Variants in OSBPL8 observed in about 807,000 individuals in gnomAD.
OSBPL8 encodes oxysterol-binding protein-related protein 8.
A neutral mutation model predicts 125.5 loss-of-function variants in OSBPL8; 59 were observed. That is an observed-to-expected ratio of 0.47 (90% confidence interval 0.38 to 0.58). The LOEUF (loss-of-function observed/expected upper bound fraction) is 0.58. OSBPL8 is among the 20% of genes least tolerant of loss of function. The pLI is 0.00. For synonymous variants in OSBPL8, 330 were observed against 338.9 expected (o/e 0.97, Z 0.29); for missense variants, 758 against 1,047.8 (o/e 0.72, Z 3.82).
At chr12:76,513,173 T>C (rs745786016) in intron 1 of OSBPL8, among the ~76,000 whole-genome samples, 1 of 152,246 alleles carries the variant, frequency 6.6e-6, no homozygotes, top group African/African-American at 2.4e-5. Flanking sequence ...TTTGGTATGA[T>C]TTTGGTTCGT....
At chr12:76,429,094 T>C (rs760623428) in intron 4 of OSBPL8, among the ~76,000 whole-genome samples, 3 of 152,048 alleles carry the variant, frequency 2.0e-5, no homozygotes, top group Non-Finnish European at 4.4e-5. Flanking sequence ...TCAGAAAACA[T>C]TGCTGTAGAT....
At chr12:76,389,233 C>T (rs992343589) in intron 12 of OSBPL8, among the ~76,000 whole-genome samples, 1 of 152,160 alleles carries the variant, frequency 6.6e-6, no homozygotes, top group African/African-American at 2.4e-5. Flanking sequence ...GTAAGCCGTA[C>T]ATACCTCACA....
intron 1 of OSBPL8, among the ~76,000 whole-genome samples, chr12:76,542,925 T>C (rs1950686115): frequency 6.6e-6 from 1 of 152,244 alleles, no homozygotes; most frequent in South Asian, 2.1e-4. Context: ...CCAAGTTCCT[T>C]GATCTTCCAA....
intron 4 of OSBPL8, among the ~76,000 whole-genome samples, chr12:76,411,807 C>T (rs1186712298): frequency 1.3e-5 from 2 of 152,100 alleles, no homozygotes; most frequent in Non-Finnish European, 2.9e-5. Context: ...ATCCTCCCCA[C>T]TCCTATAATG....
rs112972540 is a variant in OSBPL8, at chr12:76,421,201, C to T, written c.218-10567G>A. 5.9e-3 allele frequency among the ~76,000 whole-genome samples: 899 copies of T among 151,984 alleles called. 4 individuals carry two copies. Among genetic ancestry groups the T allele is most frequent in the African/African-American group, 0.019 (801 of 41,502 alleles). On this transcript the variant is annotated intron_variant, in intron 4 of 23. Coordinates refer to ENST00000261183, the MANE Select transcript of OSBPL8 (RefSeq NM_020841.5). ...GCAAACAAAGAGACAGAAACAAATA[C>T]AGAAATGAAACTCATTTTAAAATAA...
chr12:76,524,749 T>A (rs1363393851), intron 1 of OSBPL8, among the ~76,000 whole-genome samples: 1 of 150,308 alleles, frequency 6.7e-6, no homozygotes, highest in Non-Finnish European at 1.5e-5. Context: ...AGTGGCACAA[T>A]CCTGGCTCAC....
intron 21 of OSBPL8, among the ~76,000 whole-genome samples, chr12:76,366,114 A>G (rs1952404798): frequency 6.6e-6 from 1 of 152,150 alleles, no homozygotes; most frequent in Non-Finnish European, 1.5e-5. Flanking sequence ...TAAGTTAGGA[A>G]ATGTTCCCAT....
chr12:76,356,162 T>TGGGGGGGGGGGGGGG, intron 23 of OSBPL8, 141 bp from the exon 24 acceptor site: 1 of 131,274 alleles, frequency 7.6e-6, no homozygotes, highest in East Asian at 2.1e-4. Context: ...TATGTAGGGG[T>TGGGGGGGGGGGGGGG]GGGGGGGGGC....
chr12:76,373,475 T>C, intron 17 of OSBPL8, 42 bp from the exon 18 acceptor site: 10 of 1,419,514 alleles, frequency 7.0e-6, no homozygotes, highest in Non-Finnish European at 9.8e-6. Flanking sequence ...TTTTCACTTA[T>C]ATTTACATAT....
At position 76,541,291 on chromosome 12, in the gene OSBPL8, C is replaced by T. The variant is rs140018166; in HGVS notation, c.-68+18106G>A. Reference sequence around the variant, plus strand: ...GCCAGCAGTTTGAGACCAGCCTGGCCAATACTGTGAACCCCATCTCCACTA... The same window carrying T: ...GCCAGCAGTTTGAGACCAGCCTGGCTAATACTGTGAACCCCATCTCCACTA... On this transcript the variant is annotated intron_variant, in intron 1 of 23. Transcript: ENST00000261183. Among the ~76,000 whole-genome samples the T allele has an allele frequency of 6.2e-3, 936 of 151,980 alleles. 5 individuals are homozygous for T. Among genetic ancestry groups the T allele is most frequent in the Middle Eastern group, 0.01 (3 of 294 alleles).
At chr12:76,548,370 T>C (rs1003563676) in intron 1 of OSBPL8, among the ~76,000 whole-genome samples, 1 of 152,014 alleles carries the variant, frequency 6.6e-6, no homozygotes, top group Non-Finnish European at 1.5e-5. Flanking sequence ...CAGGAAAGCA[T>C]GATTATAAAG....
intron 4 of OSBPL8, among the ~76,000 whole-genome samples, chr12:76,443,483 C>T (rs1031787157): frequency 1.2e-4 from 18 of 152,112 alleles, no homozygotes; most frequent in African/African-American, 3.4e-4. Context: ...AGGGTGAACG[C>T]GAGCCTAATT....
intron 2 of OSBPL8, among the ~76,000 whole-genome samples, chr12:76,484,135 G>C (rs2137007420): frequency 6.6e-6 from 1 of 152,184 alleles, no homozygotes; most frequent in South Asian, 2.1e-4. Context: ...TCTCTATCTG[G>C]CATATCCATC....
chr12:76,462,851 T>C (rs1476502985), intron 2 of OSBPL8, among the ~76,000 whole-genome samples: 1 of 152,102 alleles, frequency 6.6e-6, no homozygotes, highest in African/African-American at 2.4e-5. Context: ...AGGATTATGA[T>C]GCAAGCAAGT....
intron 3 of OSBPL8, among the ~76,000 whole-genome samples, chr12:76,454,729 TAAAAA>T (rs140485885): frequency 8.5e-6 from 1 of 117,084 alleles, no homozygotes; most frequent in Non-Finnish European, 1.9e-5. Flanking sequence ...TTTAAAAAAT[TAAAAA>T]AAAAAAAAAA....
At chr12:76,465,605 G>A (rs547573059) in intron 2 of OSBPL8, among the ~76,000 whole-genome samples, 3 of 151,954 alleles carry the variant, frequency 2.0e-5, no homozygotes, top group South Asian at 2.1e-4. Context: ...ATGTGTCCAC[G>A]GATATTTACC....
At position 76,503,687 on chromosome 12, in the gene OSBPL8, C is replaced by T. The variant is rs563279648; in HGVS notation, c.-67-16069G>A. Among the ~76,000 whole-genome samples, 7 of 152,058 alleles carry T rather than the reference C, an allele frequency of 4.6e-5. No individual in the cohort carries two copies. In the East Asian group the frequency reaches 7.8e-4, roughly 17 times the overall value. ...CCGAGTAGCTGGGACTACAGGTGCC[C>T]GCCACCATGCCCGGCTAATTTTTTT... On this transcript the variant is annotated intron_variant, in intron 1 of 23. Coordinates refer to ENST00000261183, the MANE Select transcript of OSBPL8 (RefSeq NM_020841.5).
chr12:76,511,772 T>C (rs1881019411), intron 1 of OSBPL8, among the ~76,000 whole-genome samples: 1 of 152,242 alleles, frequency 6.6e-6, no homozygotes, highest in African/African-American at 2.4e-5. Flanking sequence ...CGATTGCTTC[T>C]GATGTCTTTG....
chr12:76,415,595 T>C (rs1172607477), intron 4 of OSBPL8, among the ~76,000 whole-genome samples: 1 of 152,208 alleles, frequency 6.6e-6, no homozygotes, highest in Non-Finnish European at 1.5e-5. Context: ...TATTCAGATA[T>C]TCCGTTTCTT....
Sources: gnomAD v4.1 joint callset for allele counts (sites outside exome capture counted in the v4.1 genomes callset) on GRCh38, gnomAD v4.1.1 for gene constraint, MANE v1.5 for transcripts, NCBI Gene and HGNC (gene_info 2026-07-23, HGNC 2026-07-21) for gene names.